DDX10: variants seen among roughly 807,000 people sequenced by gnomAD.
DDX10 encodes the protein probable ATP-dependent RNA helicase DDX10.
DDX10 carries 74 observed loss-of-function variants against 104.3 expected under a neutral mutation model. The observed-to-expected ratio is 0.71, with a 90% CI of 0.59 to 0.86. The LOEUF (loss-of-function observed/expected upper bound fraction) is 0.86. Among genes scored for constraint, DDX10 ranks in the 40% least tolerant of loss-of-function variants. The pLI, the probability that DDX10 is intolerant of heterozygous loss-of-function variation, is 0.00. For synonymous variants in DDX10, 351 were observed against 353.4 expected, an observed-to-expected ratio of 0.99 and a Z score of 0.08; for missense variants, 952 against 1,040.0, an observed-to-expected ratio of 0.92 and a Z score of 1.16.
In DDX10 at chr11:108,731,498, G is replaced by A. The variant is rs557680306; in HGVS notation, c.1965+8036G>A. On this transcript the variant is annotated intron_variant, in intron 13 of 17. Transcript: ENST00000322536. ...TGGTTTTGAATGTGACCCTGCAACCGTGATCTCAATTGGGTTTCTTTTTTT... is the reference window on the plus strand; with the variant it reads ...TGGTTTTGAATGTGACCCTGCAACCATGATCTCAATTGGGTTTCTTTTTTT... 3.1e-4 allele frequency among the ~76,000 whole-genome samples: 47 copies of A among 150,022 alleles called. No homozygotes were observed. The South Asian group carries it at 8.6e-3, about 28-fold the overall frequency.
In DDX10 at chr11:108,715,887, C is replaced by T. The variant is rs554906510; in HGVS notation, c.1331C>T (p.Pro444Leu). The T allele has an allele frequency of 5.3e-6, 8 of 1,495,972 alleles. No individual in the cohort carries two copies. In the East Asian group the frequency reaches 1.4e-4, roughly 25 times the overall value. The allele number at this position is 1,495,972 out of a possible 1,614,324, so 92.7% of individuals were successfully genotyped here. The change falls in exon 11 of 18, where the codon CCA becomes CTA. Residue 444 changes from proline (P) to leucine (L), a missense_variant. By Grantham distance (98) the Pro-to-Leu change is moderately conservative. Coordinates refer to ENST00000322536, the MANE Select transcript of DDX10 (RefSeq NM_004398.4). The stretch of plus-strand genomic sequence containing the variant: ...ATCTTTTTGTTACAAAGAATCAATC[C>T]AGAAAAACTTATAGATGTCCAGAAA... ...KVPVKEIKINPEKLIDVQKKL... is the reference protein window; with the variant it reads ...KVPVKEIKINLEKLIDVQKKL...
chr11:108,666,492 CAAAA>C (rs984424672), intron 1 of DDX10, among the ~76,000 whole-genome samples: 11 of 152,054 alleles, frequency 7.2e-5, no homozygotes, highest in African/African-American at 1.7e-4. Flanking sequence ...AACAAACAAA[CAAAA>C]AAGCCCAGCA....
chr11:108,888,559 C>T (rs1863332186), intron 16 of DDX10, among the ~76,000 whole-genome samples: 1 of 152,190 alleles, frequency 6.6e-6, no homozygotes, highest in Admixed American at 6.5e-5. Flanking sequence ...CCCTGCCTAA[C>T]TTCTCTGCGC....
intron 16 of DDX10, among the ~76,000 whole-genome samples, chr11:108,915,336 CA>C: frequency 6.6e-6 from 1 of 151,708 alleles, no homozygotes; most frequent in Non-Finnish European, 1.5e-5. Flanking sequence ...TTTAGGAAAA[CA>C]AGAATTTTGG....
intron 13 of DDX10, among the ~76,000 whole-genome samples, chr11:108,723,891 G>A (rs2094301978): frequency 6.6e-6 from 1 of 152,066 alleles, no homozygotes; most frequent in South Asian, 2.1e-4. Context: ...TTTGTTTATG[G>A]GAACCAAGCC....
At chr11:108,725,441 A>G (rs1434801194) in intron 13 of DDX10, among the ~76,000 whole-genome samples, 2 of 152,088 alleles carry the variant, frequency 1.3e-5, no homozygotes, top group South Asian at 2.1e-4. Context: ...CCAGCAGTGT[A>G]TAGAGTTCGA....
intron 15 of DDX10, among the ~76,000 whole-genome samples, chr11:108,845,549 A>G (rs999035633): frequency 2.0e-5 from 3 of 152,176 alleles, no homozygotes; most frequent in African/African-American, 7.2e-5. Flanking sequence ...GAATATTGAA[A>G]ATACTGACAA....
At chr11:108,915,460 T>G (rs1863735612) in intron 16 of DDX10, among the ~76,000 whole-genome samples, 1 of 134,646 alleles carries the variant, frequency 7.4e-6, no homozygotes, top group African/African-American at 3.0e-5. Context: ...TTTTTTTTTT[T>G]GTTTGTTTGT....
intron 14 of DDX10, 109 bp from the exon 15 acceptor site, chr11:108,841,206 A>C: frequency 1.2e-6 from 1 of 838,340 alleles, no homozygotes; most frequent in South Asian, 1.8e-5. Flanking sequence ...ATTAGATTGT[A>C]AGGCAGAAAA....
intron 16 of DDX10, among the ~76,000 whole-genome samples, chr11:108,905,895 A>T (rs963227266): frequency 6.6e-6 from 1 of 152,150 alleles, no homozygotes; most frequent in African/African-American, 2.4e-5. Flanking sequence ...GGGTGAAGTG[A>T]CACATACTTC....
intron 13 of DDX10, among the ~76,000 whole-genome samples, chr11:108,826,684 A>C (rs1259860578): frequency 6.6e-6 from 1 of 152,216 alleles, no homozygotes; most frequent in Non-Finnish European, 1.5e-5. Context: ...GGTGACTTGC[A>C]GCAGGGCCAC....
intron 16 of DDX10, among the ~76,000 whole-genome samples, chr11:108,900,020 A>G (rs1591116880): frequency 1.3e-5 from 2 of 151,998 alleles, no homozygotes; most frequent in Non-Finnish European, 2.9e-5. Context: ...GGCTGAGGCA[A>G]GAGAATCGCT....
chr11:108,702,522 G>A (rs2094269939), intron 9 of DDX10, among the ~76,000 whole-genome samples: 1 of 152,174 alleles, frequency 6.6e-6, no homozygotes, highest in African/African-American at 2.4e-5. Context: ...AACTAGAATG[G>A]AGTTGATGGG....
chr11:108,809,096 A>G (rs1213954977), intron 13 of DDX10, among the ~76,000 whole-genome samples: 2 of 152,066 alleles, frequency 1.3e-5, no homozygotes, highest in East Asian at 1.9e-4. Context: ...TTTGAGTGAT[A>G]TATTGGTTGA....
intron 13 of DDX10, among the ~76,000 whole-genome samples, chr11:108,788,700 A>G (rs1229008362): frequency 5.9e-5 from 9 of 152,302 alleles, no homozygotes; most frequent in Admixed American, 2.0e-4. Context: ...CTGGTGTTGT[A>G]TACTGGCAAA....
At chr11:108,750,819 A>T (rs369105921) in intron 13 of DDX10, among the ~76,000 whole-genome samples, 19 of 150,356 alleles carry the variant, frequency 1.3e-4, no homozygotes, top group African/African-American at 4.6e-4. Flanking sequence ...GTACAGTGGC[A>T]CAGTTATAGC....
intron 16 of DDX10, among the ~76,000 whole-genome samples, chr11:108,878,162 T>A (rs905536018): frequency 6.6e-6 from 1 of 152,232 alleles, no homozygotes; most frequent in Non-Finnish European, 1.5e-5. Context: ...CAGGACAAGA[T>A]ATTTCAGTGT....
At chr11:108,890,511 T>C (rs543236736) in intron 16 of DDX10, among the ~76,000 whole-genome samples, 2 of 152,022 alleles carry the variant, frequency 1.3e-5, no homozygotes, top group African/African-American at 4.8e-5. Flanking sequence ...CATCCTCTTT[T>C]TCCCCCATTG....
At chr11:108,671,324 T>C (rs964454285) in intron 1 of DDX10, among the ~76,000 whole-genome samples, 1 of 152,176 alleles carries the variant, frequency 6.6e-6, no homozygotes, top group African/African-American at 2.4e-5. Flanking sequence ...CCACTGCATC[T>C]GGCTAATTTT....
Sources: allele counts gnomAD v4.1 joint callset (sites outside exome capture counted in the v4.1 genomes callset), GRCh38; gene constraint gnomAD v4.1.1; transcripts MANE v1.5; gene names NCBI Gene and HGNC (gene_info 2026-07-23, HGNC 2026-07-21).